Variants in COMMD5 observed in about 807,000 individuals in gnomAD.
COMMD5 encodes COMM domain-containing protein 5.
A neutral mutation model predicts 6.9 loss-of-function variants in COMMD5; 10 were observed. The observed-to-expected ratio is 1.44, with a 90% CI of 0.89 to 2.45. The LOEUF is 2.45. Ranked by LOEUF, COMMD5 falls within the 30% of genes most tolerant of loss-of-function variation. COMMD5 has a pLI of 0.00. For missense variants in COMMD5, 234 were observed against 287.8 expected (o/e 0.81, Z 1.35); for synonymous variants, 127 against 125.3 (o/e 1.01, Z -0.09).
downstream of COMMD5, among the ~76,000 whole-genome samples, chr8:144,849,047 T>C (rs761172691): frequency 2.0e-5 from 3 of 152,158 alleles, no homozygotes; most frequent in South Asian, 4.1e-4. Flanking sequence ...GGCAGGTCCA[T>C]GCTCTGGGCT....
exon 2 of COMMD5, chr8:144,841,683 A>G (rs751225726): frequency 1.2e-6 from 2 of 1,614,074 alleles, no homozygotes; most frequent in African/African-American, 2.7e-5. Flanking sequence ...AGAGTGCGGA[A>G]GGGATGTCCC....
At chr8:144,845,387 GT>G (rs1194749785), downstream of COMMD5, among the ~76,000 whole-genome samples, 5 of 149,160 alleles carry the variant, frequency 3.4e-5, no homozygotes, top group African/African-American at 7.4e-5. Context: ...TCACCCCTCA[GT>G]TTTTTTTTTG....
At chr8:144,844,335 A>ACTGT (rs1830359631) in intron 1 of COMMD5, among the ~76,000 whole-genome samples, 1 of 152,182 alleles carries the variant, frequency 6.6e-6, no homozygotes, top group South Asian at 2.1e-4. Context: ...GAGGCTGATG[A>ACTGT]CTGTCTTGTA....
Position 144,850,607 on chromosome 8 carries a change from G to A in COMMD5, c.*57C>T. The A allele has an allele frequency of 1.3e-6, 2 of 1,558,166 alleles. No individual in the cohort carries two copies. Among genetic ancestry groups the A allele is most frequent in the South Asian group, 1.2e-5 (1 of 84,210 alleles). ...CGTGGGAAGAGTCAGCTGCACTTTG[G>A]CACCATCTCAGGTGCCTGTCCAAGC... is the stretch of plus-strand genomic sequence containing the variant. On this transcript the variant is annotated 3_prime_UTR_variant, in exon 2 of 2. Transcript: ENST00000305103. The surrounding 1 kb of genome is among the most constrained non-coding windows in gnomAD (Gnocchi z 4.0).
intron 1 of COMMD5, chr8:144,843,259 T>C: frequency 7.1e-7 from 1 of 1,400,794 alleles, no homozygotes; most frequent in Non-Finnish European, 9.6e-7. Context: ...GACAAACATG[T>C]AGAATGTTGG....
chr8:144,845,905 C>A (rs1192344175), downstream of COMMD5: 1 of 1,437,410 alleles, frequency 7.0e-7, no homozygotes, highest in Non-Finnish European at 9.3e-7. Flanking sequence ...AGGGTCTTGG[C>A]AGGTAATGTG....
intron 1 of COMMD5, chr8:144,843,440 T>G: frequency 1.1e-5 from 3 of 260,936 alleles, no homozygotes; most frequent in East Asian, 7.4e-5. Flanking sequence ...TACAAAAATT[T>G]AGCTGGGCGT....
chr8:144,841,669 G>A (rs1735169), exon 2 of COMMD5: 660,742 of 1,613,906 alleles, frequency 0.41, 140,253 homozygotes, highest in African/African-American at 0.67. Flanking sequence ...TGAAAGTCAG[G>A]GAGAGAGTGC....
At position 144,841,639 on chromosome 8, in the gene COMMD5, G is replaced by A. The variant is rs148543892; in HGVS notation, c.*221C>T. The stretch of plus-strand genomic sequence containing the variant: ...GGGATGTAAGGAGCTGGGAAGCAGC[G>A]GCCTGGATTGTCAGCCTCTTGAAAG... On this transcript the variant is annotated 3_prime_UTR_variant and NMD_transcript_variant, in exon 2 of 2. Transcript: ENST00000530332. 3.2e-4 allele frequency: 515 copies of A among 1,614,196 alleles called. No homozygotes were observed. Among genetic ancestry groups the A allele is most frequent in the African/African-American group, 7.5e-4 (56 of 75,052 alleles).
downstream of COMMD5, among the ~76,000 whole-genome samples, chr8:144,840,382 G>A (rs1829725394): frequency 1.3e-5 from 2 of 152,216 alleles, no homozygotes; most frequent in South Asian, 2.1e-4. Context: ...GGCAGGAACC[G>A]AAGCTTGAAG....
chr8:144,843,260 A>G, intron 1 of COMMD5: 1 of 1,400,334 alleles, frequency 7.1e-7, no homozygotes, highest in Non-Finnish European at 9.6e-7. Flanking sequence ...ACAAACATGT[A>G]GAATGTTGGT....
At chr8:144,853,327 A>G (rs567328174), upstream of COMMD5, 1 of 152,298 alleles carries the variant, frequency 6.6e-6, no homozygotes, top group East Asian at 1.9e-4. Context: ...GTGAGGGTAA[A>G]GCGGGAGAAC....
At chr8:144,842,139 C>T in intron 1 of COMMD5, 1 of 1,613,760 alleles carries the variant, frequency 6.2e-7, no homozygotes, top group African/African-American at 1.3e-5. Context: ...AAGCCTTCAG[C>T]CAGCAGTCGC....
At chr8:144,844,854 G>T (rs1367662162) in intron 1 of COMMD5, among the ~76,000 whole-genome samples, 4 of 151,762 alleles carry the variant, frequency 2.6e-5, no homozygotes, top group African/African-American at 9.7e-5. Flanking sequence ...GTTGAGTGAA[G>T]AACTTGGGGT....
At position 144,850,872 on chromosome 8, in the gene COMMD5, C is replaced by T. The variant is rs541693996; in HGVS notation, c.467G>A (p.Arg156Gln). 25 of 1,613,040 alleles carry T rather than the reference C, an allele frequency of 1.5e-5. No homozygotes were observed. Among genetic ancestry groups the T allele is most frequent in the Admixed American group, 3.3e-5 (2 of 59,906 alleles). ...GAWLPHVADFRWRVDVAISTS... is the reference protein window; with the variant it reads ...GAWLPHVADFQWRVDVAISTS... ...GGAGATTGCTACATCCACCCGCCAC[C>T]GAAAGTCAGCAACATGCGGCAGCCA... The change falls in exon 2 of 2, where the codon CGG becomes CAG. Residue 156 changes from arginine to glutamine, a missense_variant. Transcript: ENST00000305103. This position sits in a 1 kb window ranked among gnomAD's most constrained non-coding sequence, Gnocchi z 4.0.
At chr8:144,841,275 G>C in exon 2 of COMMD5, 1 of 1,433,294 alleles carries the variant, frequency 7.0e-7, no homozygotes, top group East Asian at 2.3e-5. Context: ...GGAGCCTTGA[G>C]CCCTGGCCCC....
At chr8:144,843,855 G>A (rs1301607452) in intron 1 of COMMD5, 1 of 152,174 alleles carries the variant, frequency 6.6e-6, no homozygotes, top group Non-Finnish European at 1.5e-5. Flanking sequence ...ATACGGAAAT[G>A]CATTAGCTCA....
downstream of COMMD5, chr8:144,838,440 T>C (rs1586817719): frequency 2.5e-6 from 1 of 392,978 alleles, no homozygotes; most frequent in Non-Finnish European, 4.6e-6. Context: ...GGTGCTCTGC[T>C]CCCCTGCTTA....
chr8:144,840,971 G>A (rs986031996), downstream of COMMD5: 25 of 201,566 alleles, frequency 1.2e-4, no homozygotes, highest in South Asian at 2.0e-4. Flanking sequence ...CTGTTTCCTC[G>A]CCAGCTCGGA....
Sources: allele counts gnomAD v4.1 joint callset (sites outside exome capture counted in the v4.1 genomes callset), GRCh38; gene constraint gnomAD v4.1.1; non-coding constraint Gnocchi (gnomAD v3.1); transcripts MANE v1.5; gene names NCBI Gene and HGNC (gene_info 2026-07-23, HGNC 2026-07-21).